The following WDR55 variants were observed in gnomAD, a reference collection of about 807,000 sequenced individuals.
WDR55 encodes WD repeat domain 55.
Under a neutral mutation model 34.0 loss-of-function variants are expected in WDR55, and 31 were observed. The observed-to-expected ratio is 0.91, with a 90% CI of 0.69 to 1.23. WDR55 has a LOEUF of 1.23. WDR55 is among the 50% of genes most tolerant of loss of function. WDR55 has a pLI of 0.00. For synonymous variants in WDR55, 164 were observed against 185.9 expected, an observed-to-expected ratio of 0.88 and a Z score of 0.96; for missense variants, 440 against 494.6, an observed-to-expected ratio of 0.89 and a Z score of 1.05.
Position 140,669,181 on chromosome 5 carries a change from T to G in WDR55, c.763T>G (p.Ser255Ala). 1 of 1,614,082 alleles carries G rather than the reference T, an allele frequency of 6.2e-7. No homozygotes were observed. Among genetic ancestry groups the G allele is most frequent in the African/African-American group, 1.3e-5 (1 of 75,032 alleles). ...TSDRFALRAE[S>A]IDCMVPVTES... Reference sequence around the variant, plus strand: ...TGACCGCTTTGCCCTGAGAGCTGAATCTATCGACTGCATGGTTCCAGTCAC... The same window carrying G: ...TGACCGCTTTGCCCTGAGAGCTGAAGCTATCGACTGCATGGTTCCAGTCAC... The change falls in exon 6 of 7, where the codon TCT becomes GCT. Residue 255 changes from serine (S) to alanine (A), a missense_variant. Coordinates refer to ENST00000358337, the MANE Select transcript of WDR55 (RefSeq NM_017706.5).
At chr5:140,668,584 C>T in intron 3 of WDR55, 28 bp from the exon 4 acceptor site, 2 of 1,610,592 alleles carry the variant, frequency 1.2e-6, no homozygotes, top group Non-Finnish European at 1.7e-6. Context: ...CAGAGATGCT[C>T]CAAGAAGTTC....
Position 140,671,352 on chromosome 5 carries a change from A to G in WDR55, c.*1698A>G. The G allele has an allele frequency of 6.2e-7, 1 of 1,612,712 alleles. No homozygotes were observed. The highest frequency in any genetic ancestry group is 8.5e-7 in the Non-Finnish European group (1 of 1,179,886). ...GCAGACCACAGGAGGTTGGCCCCAG[A>G]CTCACTGAGTGCCTGCAGCAGCCGT... On this transcript the variant is annotated 3_prime_UTR_variant, in exon 7 of 7. Coordinates refer to ENST00000358337, the MANE Select transcript of WDR55 (RefSeq NM_017706.5).
At position 140,668,335 on chromosome 5, in the gene WDR55, G is replaced by A. The variant is rs763994589; in HGVS notation, c.292+1G>A. ...GTGGCCTTCTCTGAAGATGGGCAGA[G>A]TGAGTACTGGGGAAGACAACCAGCA... On this transcript the variant is annotated splice_donor_variant, in intron 2 of 6. Coordinates refer to ENST00000358337, the MANE Select transcript of WDR55 (RefSeq NM_017706.5). LOFTEE classifies it high-confidence loss of function. 2 of 1,614,264 alleles carry A rather than the reference G, an allele frequency of 1.2e-6. No individual in the cohort carries two copies. The highest frequency in any genetic ancestry group is 1.1e-5 in the South Asian group (1 of 91,086).
chr5:140,668,927 G>A lies in WDR55; in HGVS notation c.597G>A (p.Arg199=). 1 of 1,614,212 alleles carries A rather than the reference G, an allele frequency of 6.2e-7. No homozygotes were observed. The highest frequency in any genetic ancestry group is 8.5e-7 in the Non-Finnish European group (1 of 1,180,050). ...GCCTTGGCATCTTCAACATTAAGAG[G>A]CGTCGGTTTGAGCTGCTCTCAGAAC... ...DGCLGIFNIK[R]RRFELLSEPQ... Residue 199 remains arginine (R), a synonymous_variant, in exon 5 of 7, where the codon AGG becomes AGA. Coordinates refer to ENST00000358337, the MANE Select transcript of WDR55 (RefSeq NM_017706.5).
Position 140,671,205 on chromosome 5 carries a change from T to A in WDR55, c.*1551T>A. 1 of 1,555,260 alleles carries A rather than the reference T, an allele frequency of 6.4e-7. No homozygotes were observed. Among genetic ancestry groups the A allele is most frequent in the South Asian group, 1.1e-5 (1 of 89,276 alleles). ...CCATGCCCCTCCCCACCTTTGGGGG[T>A]CAGAAAGTGGCCACCCAGGCCTGCT... On this transcript the variant is annotated 3_prime_UTR_variant, in exon 7 of 7. Coordinates refer to ENST00000358337, the MANE Select transcript of WDR55 (RefSeq NM_017706.5).
In WDR55 at chr5:140,671,970, T is replaced by C. The variant is rs1758089011; in HGVS notation, c.*2316T>C. The C allele has an allele frequency of 3.2e-6, 2 of 616,504 alleles. No homozygotes were observed. The highest frequency in any genetic ancestry group is 5.7e-6 in the Non-Finnish European group (2 of 350,990). 38.2% of individuals were successfully genotyped at this position (616,504 alleles called of 1,614,324 possible). On this transcript the variant is annotated 3_prime_UTR_variant, in exon 7 of 7. Transcript: ENST00000358337. ...ACAAGTTTCCTTGGAGAAGTACTGG[T>C]TAATTGCAGGCTTTGTCTGCCTCAT...
In WDR55 at chr5:140,671,936, T is replaced by G. The variant is rs950530433; in HGVS notation, c.*2282T>G. On this transcript the variant is annotated 3_prime_UTR_variant, in exon 7 of 7. Transcript: ENST00000358337. ...TATTTGCAAAGGGAGTATAACACAC[T>G]GCTACCTTACAAGTTTCCTTGGAGA... 6 of 666,868 alleles carry G rather than the reference T, an allele frequency of 9.0e-6. No individual in the cohort carries two copies. Among genetic ancestry groups the G allele is most frequent in the African/African-American group, 3.6e-5 (2 of 55,398 alleles). The allele number at this position is 666,868 out of a possible 1,614,324, so 41.3% of individuals were successfully genotyped here.
rs559813671 is a variant in WDR55 at position 140,668,161 on chromosome 5, T to A, written c.192-73T>A. Reference sequence around the variant, plus strand: ...TTAGGTAGGTGGGAAGGCTGCTCTGTCTAGTTGGTCTCTGCACTCAATGCA... The same window carrying A: ...TTAGGTAGGTGGGAAGGCTGCTCTGACTAGTTGGTCTCTGCACTCAATGCA... On this transcript the variant is annotated intron_variant, in intron 1 of 6. Transcript: ENST00000358337. The A allele has an allele frequency of 4.0e-6, 6 of 1,487,354 alleles. No homozygotes were observed. The South Asian group carries it at 8.3e-5, about 21-fold the overall frequency. 92.1% of individuals were successfully genotyped at this position (1,487,354 alleles called of 1,614,324 possible).
rs1757984249 is a variant in WDR55 at position 140,668,774 on chromosome 5, G to A, written c.543G>A (p.Lys181=). The change falls in exon 4 of 7, where the codon AAG becomes AAA. Residue 181 remains lysine, a synonymous_variant. Coordinates refer to ENST00000358337, the MANE Select transcript of WDR55 (RefSeq NM_017706.5). The stretch of plus-strand genomic sequence containing the variant: ...ACATGGCTCTGGATCCAGCCAAAAA[G>A]CTGCTGCTGACAGCCAGGTACAACT... ...IADMALDPAK[K]LLLTASGDGC... The A allele has an allele frequency of 6.2e-7, 1 of 1,613,920 alleles. No individual in the cohort carries two copies. Among genetic ancestry groups the A allele is most frequent in the Non-Finnish European group, 8.5e-7 (1 of 1,179,862 alleles).
In WDR55 at chr5:140,670,811, T is replaced by A; in HGVS notation, c.*1157T>A. The A allele has an allele frequency of 4.7e-6, 1 of 214,320 alleles. No individual in the cohort carries two copies. Among genetic ancestry groups the A allele is most frequent in the Non-Finnish European group, 9.5e-6 (1 of 104,946 alleles). The allele number at this position is 214,320 out of a possible 1,614,324, so 13.3% of individuals were successfully genotyped here. On this transcript the variant is annotated 3_prime_UTR_variant, in exon 7 of 7. Coordinates refer to ENST00000358337, the MANE Select transcript of WDR55 (RefSeq NM_017706.5). Reference sequence around the variant, plus strand: ...GACACAAGTATATACTAACCAGGGGTTTAATATAAATACAACCAGCATAGA... The same window carrying A: ...GACACAAGTATATACTAACCAGGGGATTAATATAAATACAACCAGCATAGA...
Position 140,668,683 on chromosome 5 carries a change from G to C in WDR55, c.452G>C (p.Cys151Ser), listed in dbSNP as rs768164885. 1 of 1,614,032 alleles carries C rather than the reference G, an allele frequency of 6.2e-7. No homozygotes were observed. Residue 151 changes from cysteine (C) to serine (S), a missense_variant, in exon 4 of 7, where the codon TGT becomes TCT. Transcript: ENST00000358337. ...LATGDDTGGI[C>S]LWDQRKEGPL... Reference sequence around the variant, plus strand: ...ACTGGGGATGACACAGGTGGTATCTGTCTCTGGGACCAGCGGAAGGAGGGC... The same window carrying C: ...ACTGGGGATGACACAGGTGGTATCTCTCTCTGGGACCAGCGGAAGGAGGGC...
rs2149813784 is a variant in WDR55 at position 140,669,930 on chromosome 5, T to C, written c.*276T>C. 3.0e-6 allele frequency: 1 copy of C among 332,272 alleles called. No homozygotes were observed. Among genetic ancestry groups the C allele is most frequent in the Middle Eastern group, 8.7e-4 (1 of 1,144 alleles). The allele number at this position is 332,272 out of a possible 1,614,324, so 20.6% of individuals were successfully genotyped here. ...TTTTTTTTTGGTAGAAACGGGTCTG[T>C]TTTGCCCAGGCTGGTCTTCAACTCC... On this transcript the variant is annotated 3_prime_UTR_variant, in exon 7 of 7. Transcript: ENST00000358337.
In WDR55 at chr5:140,671,618, G is replaced by A. The variant is rs1052037563; in HGVS notation, c.*1964G>A. 6 of 1,574,252 alleles carry A rather than the reference G, an allele frequency of 3.8e-6. No individual in the cohort carries two copies. Among genetic ancestry groups the A allele is most frequent in the Non-Finnish European group, 5.2e-6 (6 of 1,160,486 alleles). ...CCCTTGGAACCCTAACTTGTCCCTTGCCAAAGCCAACTGGCTGCCCTCTGG... is the reference window on the plus strand; with the variant it reads ...CCCTTGGAACCCTAACTTGTCCCTTACCAAAGCCAACTGGCTGCCCTCTGG... On this transcript the variant is annotated 3_prime_UTR_variant, in exon 7 of 7. Transcript: ENST00000358337.
At chr5:140,668,181 A>T in intron 1 of WDR55, 53 bp from the exon 2 acceptor site, 1 of 1,530,540 alleles carries the variant, frequency 6.5e-7, no homozygotes, top group Non-Finnish European at 8.8e-7. Flanking sequence ...CTCTGCACTC[A>T]ATGCAACCCA....
At position 140,670,880 on chromosome 5, in the gene WDR55, G is replaced by T. The variant is rs1758056006; in HGVS notation, c.*1226G>T. 1 of 263,658 alleles carries T rather than the reference G, an allele frequency of 3.8e-6. No homozygotes were observed. The highest frequency in any genetic ancestry group is 2.2e-5 in the African/African-American group (1 of 45,238). The allele number at this position is 263,658 out of a possible 1,614,324, so 16.3% of individuals were successfully genotyped here. ...GAAACCAAAACCAGAATGCCATGTG[G>T]TGGAGGCAAAGGGCAGAATTTCTGA... On this transcript the variant is annotated 3_prime_UTR_variant, in exon 7 of 7. Transcript: ENST00000358337.
chr5:140,665,165 C>G (rs1038371449), intron 1 of WDR55, 62 bp downstream of exon 1: 13 of 1,470,988 alleles, frequency 8.8e-6, no homozygotes, highest in Non-Finnish European at 1.2e-5. Context: ...GACCTGGGAA[C>G]AGGAGAGATG....
At position 140,668,821 on chromosome 5, in the gene WDR55, T is replaced by A. The variant is rs776018667; in HGVS notation, c.560+30T>A. The A allele has an allele frequency of 3.1e-6, 5 of 1,613,238 alleles. No homozygotes were observed. In the Admixed American group the frequency reaches 8.3e-5, roughly 27 times the overall value. ...AACTTCAAAGCTGCCTTGCCTCCCC[T>A]CCCCTCCCTGTGTGAAATGTCTTCC... On this transcript the variant is annotated intron_variant, in intron 4 of 6. Coordinates refer to ENST00000358337, the MANE Select transcript of WDR55 (RefSeq NM_017706.5).
chr5:140,669,249 G>A lies in WDR55; in HGVS notation c.830+1G>A, dbSNP rs541397281. Reference sequence around the variant, plus strand: ...CTGGCTCCACTGATGGAGTCATCAGGTGAGGGAAGCCTGGACAGCCCTTAG... The same window carrying A: ...CTGGCTCCACTGATGGAGTCATCAGATGAGGGAAGCCTGGACAGCCCTTAG... On this transcript the variant is annotated splice_donor_variant, in intron 6 of 6. Coordinates refer to ENST00000358337, the MANE Select transcript of WDR55 (RefSeq NM_017706.5). LOFTEE classifies it high-confidence loss of function. 3 of 1,613,472 alleles carry A rather than the reference G, an allele frequency of 1.9e-6. No individual in the cohort carries two copies. The highest frequency in any genetic ancestry group is 2.5e-6 in the Non-Finnish European group (3 of 1,180,012).
In WDR55 at chr5:140,669,132, T is replaced by A; in HGVS notation, c.714T>A (p.Asn238Lys). ...GSSEGTIYLF[N>K]WNGFGATSDR... The stretch of plus-strand genomic sequence containing the variant: ...GTGAAGGTACCATCTACCTCTTCAA[T>A]TGGAATGGCTTTGGGGCCACAAGTG... The change falls in exon 6 of 7, where the codon AAT becomes AAA. Residue 238 changes from asparagine (N) to lysine (K), a missense_variant. Transcript: ENST00000358337. The A allele has an allele frequency of 6.2e-7, 1 of 1,614,088 alleles. No individual in the cohort carries two copies. The highest frequency in any genetic ancestry group is 1.1e-5 in the South Asian group (1 of 91,082).
Sources: gnomAD v4.1 joint callset for allele counts on GRCh38, gnomAD v4.1.1 for gene constraint, MANE v1.5 for transcripts, NCBI Gene and HGNC (gene_info 2026-07-23, HGNC 2026-07-21) for gene names.